Variants in RORA observed in about 807,000 individuals in gnomAD.
The protein encoded by RORA is nuclear receptor ROR-alpha.
A neutral mutation model predicts 69.5 loss-of-function variants in RORA; 7 were observed. That is an observed-to-expected ratio of 0.10 (90% CI 0.06 to 0.19). The LOEUF is 0.19. Ranked by LOEUF, RORA falls within the 10% of genes least tolerant of loss-of-function variation. The probability of loss-of-function intolerance (pLI) is 1.00; values close to 1 mark genes in which losing one functional copy is unlikely to be tolerated. For synonymous variants in RORA, 261 were observed against 240.8 expected, an observed-to-expected ratio of 1.08 and a Z score of -0.78; for missense variants, 457 against 663.0, an observed-to-expected ratio of 0.69 and a Z score of 3.41.
chr15:61,208,489 T>G (rs1184716111), intron 1 of RORA, among the ~76,000 whole-genome samples: 2 of 152,206 alleles, frequency 1.3e-5, no homozygotes, highest in African/African-American at 4.8e-5. Context: ...GTTGTACAAC[T>G]CTATAAATTT....
chr15:60,866,859 C>CCTACCTAT (rs2073495264), intron 1 of RORA, among the ~76,000 whole-genome samples: 1 of 43,014 alleles, frequency 2.3e-5, no homozygotes, highest in East Asian at 1.2e-3. Flanking sequence ...TATCTACCTA[C>CCTACCTAT]CTACCTATCT....
chr15:60,581,554 C>A (rs1244379510), intron 2 of RORA, among the ~76,000 whole-genome samples: 1 of 152,080 alleles, frequency 6.6e-6, no homozygotes, highest in African/African-American at 2.4e-5. Flanking sequence ...ACAAAATAGG[C>A]GGTATGCAAA....
At position 61,040,113 on chromosome 15, in the gene RORA, GATATATATATAT is replaced by G. The variant is rs60830259; in HGVS notation, c.166+188928_166+188939del. On this transcript the variant is annotated intron_variant, in intron 1 of 10. Transcript: ENST00000335670. Reference sequence around the variant, plus strand: ...TCTAATGGCTATGATCACAAGCTTTGATATATATATATATATATATATATATATATATATATA... The same window carrying G: ...TCTAATGGCTATGATCACAAGCTTTGATATATATATATATATATATATATA... Among the ~76,000 whole-genome samples the G allele has an allele frequency of 6.7e-3, 309 of 46,296 alleles. 3 individuals are homozygous for G. Among genetic ancestry groups the G allele is most frequent in the African/African-American group, 0.014 (147 of 10,318 alleles). The allele number at this position is 46,296 out of a possible 152,430, so 30.4% of individuals were successfully genotyped here. A position where few individuals can be genotyped will look rare whatever the true frequency, so the allele number is the denominator to read the frequency against.
intron 1 of RORA, among the ~76,000 whole-genome samples, chr15:60,866,859 C>T (rs151157904): frequency 1.2e-4 from 5 of 43,004 alleles, no homozygotes; most frequent in East Asian, 1.2e-3. Flanking sequence ...TATCTACCTA[C>T]CTACCTATCT....
At chr15:61,132,146 T>C (rs529101195) in intron 1 of RORA, among the ~76,000 whole-genome samples, 2 of 152,384 alleles carry the variant, frequency 1.3e-5, no homozygotes, top group Non-Finnish European at 2.9e-5. Context: ...TAGAAATTCA[T>C]TGAAATGCAT....
intron 2 of RORA, among the ~76,000 whole-genome samples, chr15:60,663,691 G>A (rs1052897571): frequency 6.6e-6 from 1 of 152,218 alleles, no homozygotes; most frequent in South Asian, 2.1e-4. Context: ...CTGACCTCAG[G>A]TGATTCACCC....
At chr15:60,616,348 A>G (rs1171750359) in intron 2 of RORA, among the ~76,000 whole-genome samples, 1 of 152,098 alleles carries the variant, frequency 6.6e-6, no homozygotes, top group East Asian at 1.9e-4. Context: ...CTGCCCTCTC[A>G]TCTCTCACCT....
chr15:60,909,947 C>A lies in RORA; in HGVS notation c.167-231261G>T, dbSNP rs146192913. Among the ~76,000 whole-genome samples, 828 of 152,340 alleles carry A rather than the reference C, an allele frequency of 5.4e-3. 12 individuals carry two copies. The highest frequency in any genetic ancestry group is 0.019 in the African/African-American group (787 of 41,566). On this transcript the variant is annotated intron_variant, in intron 1 of 10. Transcript: ENST00000335670. ...TTTACCACGGAGGTGATGCAGAAAT[C>A]TACTCATCAAGTAAGCCTGAAAGCC...
intron 1 of RORA, among the ~76,000 whole-genome samples, chr15:60,734,323 T>C (rs1398666322): frequency 6.6e-6 from 1 of 152,138 alleles, no homozygotes; most frequent in Non-Finnish European, 1.5e-5. Flanking sequence ...TGATGCACGA[T>C]GAAGTTTGGG....
At chr15:60,524,798 A>G (rs970111740) in intron 3 of RORA, among the ~76,000 whole-genome samples, 4 of 152,386 alleles carry the variant, frequency 2.6e-5, no homozygotes, top group Middle Eastern at 3.4e-3. Context: ...ACTAGGCACC[A>G]TGTTGGACAC....
intron 1 of RORA, among the ~76,000 whole-genome samples, chr15:60,757,142 A>C (rs1487865106): frequency 1.3e-5 from 2 of 152,212 alleles, no homozygotes; most frequent in Admixed American, 1.3e-4. Context: ...ATAAGTTTAG[A>C]AATGGCTGGG....
chr15:61,000,680 A>T (rs998827436), intron 1 of RORA, among the ~76,000 whole-genome samples: 1 of 152,212 alleles, frequency 6.6e-6, no homozygotes, highest in South Asian at 2.1e-4. Context: ...CAGAAGAAAG[A>T]AAAAGGGCAA....
intron 1 of RORA, among the ~76,000 whole-genome samples, chr15:61,076,064 T>C (rs2078444910): frequency 6.6e-6 from 1 of 152,180 alleles, no homozygotes. Flanking sequence ...CCCTAGGTCA[T>C]CTCTCTCCTC....
At chr15:60,788,843 C>T (rs187080878) in intron 1 of RORA, among the ~76,000 whole-genome samples, 3 of 152,344 alleles carry the variant, frequency 2.0e-5, no homozygotes, top group Admixed American at 1.3e-4. Flanking sequence ...TTTCTCTCTG[C>T]CTGTCTAATT....
chr15:60,826,966 T>A (rs180482), intron 1 of RORA, among the ~76,000 whole-genome samples: 148,509 of 152,284 alleles, frequency 0.98, 72,519 homozygotes, highest in East Asian at 1. Flanking sequence ...AGCAGCATCT[T>A]AGTGGGTATA....
At chr15:60,836,740 C>G (rs2073121106) in intron 1 of RORA, among the ~76,000 whole-genome samples, 1 of 152,182 alleles carries the variant, frequency 6.6e-6, no homozygotes, top group Non-Finnish European at 1.5e-5. Context: ...AGCTGAGAAT[C>G]TCTACCATCA....
At chr15:60,727,859 C>T (rs1200688189) in intron 1 of RORA, among the ~76,000 whole-genome samples, 1 of 152,170 alleles carries the variant, frequency 6.6e-6, no homozygotes, top group East Asian at 1.9e-4. Flanking sequence ...CACGGGCACT[C>T]ACTCCTGACA....
chr15:61,172,336 G>A (rs940210531), intron 1 of RORA, among the ~76,000 whole-genome samples: 1 of 152,088 alleles, frequency 6.6e-6, no homozygotes, highest in Non-Finnish European at 1.5e-5. Context: ...TGGCACAAAG[G>A]CCAGCTGCTA....
chr15:60,498,477 AAATAAT>A (rs1024979765), intron 10 of RORA, among the ~76,000 whole-genome samples: 1 of 152,240 alleles, frequency 6.6e-6, no homozygotes, highest in African/African-American at 2.4e-5. Context: ...GGTCTGAGCA[AAATAAT>A]AGAGTCAGAA....
Sources: gnomAD v4.1 joint callset for allele counts (sites outside exome capture counted in the v4.1 genomes callset) on GRCh38, gnomAD v4.1.1 for gene constraint, MANE v1.5 for transcripts, NCBI Gene and HGNC (gene_info 2026-07-23, HGNC 2026-07-21) for gene names.